The following UST variants were observed in gnomAD, a reference collection of about 807,000 sequenced individuals.
UST encodes the protein chondroitin sulfate 2-O-sulfotransferase.
In UST, 21 loss-of-function variants were observed where a neutral mutation model predicts 45.6. The ratio of observed to expected loss-of-function variants is 0.46; its 90% CI spans 0.33 to 0.66. The LOEUF is 0.66. Ranked by LOEUF, UST falls within the 30% of genes least tolerant of loss-of-function variation. The pLI is 0.02. For synonymous variants in UST, 215 were observed against 200.6 expected, an observed-to-expected ratio of 1.07 and a Z score of -0.61; for missense variants, 463 against 512.4, an observed-to-expected ratio of 0.90 and a Z score of 0.93.
chr6:149,026,224 T>C (rs1776049279), intron 7 of UST, among the ~76,000 whole-genome samples: 1 of 149,594 alleles, frequency 6.7e-6, no homozygotes, highest in African/African-American at 2.5e-5. Context: ...AGTGGGAGGA[T>C]CACCTGAGCC....
At chr6:148,869,701 T>A (rs1280409308) in intron 1 of UST, among the ~76,000 whole-genome samples, 1 of 152,220 alleles carries the variant, frequency 6.6e-6, no homozygotes, top group Non-Finnish European at 1.5e-5. Context: ...TCTTCAAGTC[T>A]CTTGTTCACA....
At position 148,934,885 on chromosome 6, in the gene UST, C is replaced by T. The variant is rs1039563831; in HGVS notation, c.292-6394C>T. Among the ~76,000 whole-genome samples, 3 of 152,084 alleles carry T rather than the reference C, an allele frequency of 2.0e-5. No homozygotes were observed. Among genetic ancestry groups the T allele is most frequent in the Non-Finnish European group, 2.9e-5 (2 of 68,034 alleles). On this transcript the variant is annotated intron_variant, in intron 2 of 7. Transcript: ENST00000367463. This position sits in a 1 kb window ranked among gnomAD's most constrained non-coding sequence, Gnocchi z 4.1. ...AGGAATTTGAATATACAGTTATTTG[C>T]GAACCACAGCTTGTACTATATTAAG...
intron 7 of UST, among the ~76,000 whole-genome samples, chr6:149,025,989 A>C (rs1396504512): frequency 6.6e-6 from 1 of 152,134 alleles, no homozygotes; most frequent in Non-Finnish European, 1.5e-5. Context: ...TCTACTAAAA[A>C]TACAAAAAAT....
intron 7 of UST, among the ~76,000 whole-genome samples, chr6:149,070,283 TA>T (rs1449803089): frequency 6.6e-6 from 1 of 152,170 alleles, no homozygotes. Context: ...AGCTCTGTTT[TA>T]AAAAACAAAA....
intron 5 of UST, chr6:148,993,146 G>A (rs1010826355): frequency 1.6e-5 from 14 of 867,492 alleles, no homozygotes; most frequent in East Asian, 1.2e-4. Context: ...CAGTAAGTTC[G>A]ATTTCTACAT....
intron 5 of UST, among the ~76,000 whole-genome samples, chr6:149,013,229 G>T (rs1447112173): frequency 6.6e-6 from 1 of 152,164 alleles, no homozygotes; most frequent in Admixed American, 6.5e-5. Context: ...GCCTTTTCTA[G>T]ATCTTGAGAT....
rs1311007377 is a variant in UST at position 148,748,243 on chromosome 6, G to T, written c.247+566G>T. ...GCTGGCTTGTCCCTTGGCTGCCGCT[G>T]CCCACCCCGCCGCCCGCAGCTAGCC... On this transcript the variant is annotated intron_variant, in intron 1 of 7. Transcript: ENST00000367463. The surrounding 1 kb of genome is among the most constrained non-coding windows in gnomAD (Gnocchi z 5.3). 2.0e-5 allele frequency among the ~76,000 whole-genome samples: 3 copies of T among 152,010 alleles called. No individual in the cohort carries two copies. Among genetic ancestry groups the T allele is most frequent in the Middle Eastern group, 3.2e-3 (1 of 316 alleles).
chr6:148,895,462 G>GTGCCCCTA (rs1223986637), intron 2 of UST, among the ~76,000 whole-genome samples: 1 of 152,142 alleles, frequency 6.6e-6, no homozygotes, highest in Admixed American at 6.5e-5. Flanking sequence ...CTCAAACAAT[G>GTGCCCCTA]TGCCCCTATT....
intron 1 of UST, among the ~76,000 whole-genome samples, chr6:148,852,874 C>A (rs1157400004): frequency 1.3e-5 from 2 of 152,148 alleles, no homozygotes; most frequent in Non-Finnish European, 2.9e-5. Context: ...CCCCAACCCC[C>A]ATGTGTTATG....
chr6:149,007,631 C>T (rs1775739525), intron 5 of UST, among the ~76,000 whole-genome samples: 1 of 149,524 alleles, frequency 6.7e-6, no homozygotes, highest in South Asian at 2.1e-4. Context: ...ACCATGTTGG[C>T]CAGACTAGTC....
rs189685558 is a variant in UST, at chr6:148,996,548, G to C, written c.682-22591G>C. On this transcript the variant is annotated intron_variant, in intron 5 of 7. Coordinates refer to ENST00000367463, the MANE Select transcript of UST (RefSeq NM_005715.3). ...TAATCAGTTTTTCACCAGGAAGACT[G>C]CTTTTCCTCCTACAGACTCTTTCTC... 1.9e-3 allele frequency among the ~76,000 whole-genome samples: 285 copies of C among 152,326 alleles called. 1 individual carries two copies. Among genetic ancestry groups the C allele is most frequent in the African/African-American group, 6.5e-3 (270 of 41,568 alleles).
intron 2 of UST, among the ~76,000 whole-genome samples, chr6:148,892,724 A>G (rs192984087): frequency 6.6e-6 from 1 of 152,362 alleles, no homozygotes; most frequent in Admixed American, 6.5e-5. Flanking sequence ...GCAGTGTTCT[A>G]ATCCATTCTA....
intron 7 of UST, among the ~76,000 whole-genome samples, chr6:149,029,408 A>T (rs1776102240): frequency 1.4e-5 from 2 of 139,736 alleles, no homozygotes; most frequent in South Asian, 4.3e-4. Flanking sequence ...TTATATATAA[A>T]ATATATACAT....
intron 5 of UST, among the ~76,000 whole-genome samples, chr6:148,980,416 CCT>C (rs995178839): frequency 3.9e-5 from 6 of 152,172 alleles, no homozygotes; most frequent in Non-Finnish European, 7.3e-5. Flanking sequence ...AGACATTCTC[CCT>C]CTCTTTCAGC....
At chr6:148,783,992 C>G (rs1022610151) in intron 1 of UST, among the ~76,000 whole-genome samples, 1 of 152,216 alleles carries the variant, frequency 6.6e-6, no homozygotes, top group African/African-American at 2.4e-5. Flanking sequence ...CCACTGCTTT[C>G]TCTGCCTATG....
At chr6:148,862,016 C>T (rs1374978037) in intron 1 of UST, among the ~76,000 whole-genome samples, 3 of 152,202 alleles carry the variant, frequency 2.0e-5, no homozygotes, top group Non-Finnish European at 4.4e-5. Flanking sequence ...ATTAGATCTG[C>T]TTGGTGCAGA....
At chr6:148,907,593 A>G (rs983550878) in intron 2 of UST, among the ~76,000 whole-genome samples, 15 of 152,266 alleles carry the variant, frequency 9.9e-5, no homozygotes, top group Admixed American at 2.0e-4. Context: ...CATTTCAAGG[A>G]CCTCTTAGTG....
rs1779879856 is a variant in UST, at chr6:148,929,349, G to A, written c.292-11930G>A. Among the ~76,000 whole-genome samples, 4 of 152,178 alleles carry A rather than the reference G, an allele frequency of 2.6e-5. No individual in the cohort carries two copies. The South Asian group carries it at 8.3e-4, about 31-fold the overall frequency. ...TGGCTAGTTGAGATGTACACTGGAA[G>A]TTTAGACCAAACCAATGGAACATGA... On this transcript the variant is annotated intron_variant, in intron 2 of 7. Transcript: ENST00000367463.
intron 7 of UST, among the ~76,000 whole-genome samples, chr6:149,065,726 G>A (rs1404953501): frequency 6.6e-6 from 1 of 152,182 alleles, no homozygotes; most frequent in Admixed American, 6.5e-5. Context: ...TGTATATGAT[G>A]ATCCAAACTC....
Sources: gnomAD v4.1 joint callset for allele counts (sites outside exome capture counted in the v4.1 genomes callset) on GRCh38, gnomAD v4.1.1 for gene constraint, Gnocchi (gnomAD v3.1) non-coding constraint, MANE v1.5 for transcripts, NCBI Gene and HGNC (gene_info 2026-07-23, HGNC 2026-07-21) for gene names.